Variants in FGF12 observed in about 807,000 individuals in gnomAD.
The protein encoded by FGF12 is fibroblast growth factor 12, also known as fibroblast growth factor 12B.
FGF12 carries 14 observed loss-of-function variants against 23.6 expected under a neutral mutation model. The observed-to-expected ratio is 0.59, with a 90% CI of 0.39 to 0.93. The LOEUF is 0.93. Among genes scored for constraint, FGF12 ranks in the 40% least tolerant of loss-of-function variants. FGF12 has a pLI of 0.00. For synonymous variants in FGF12, 62 were observed against 77.3 expected (o/e 0.80, Z 1.04); for missense variants, 175 against 217.8 (o/e 0.80, Z 1.24).
intron 2 of FGF12, among the ~76,000 whole-genome samples, chr3:192,532,554 G>A (rs915633532): frequency 3.3e-5 from 5 of 151,888 alleles, no homozygotes; most frequent in African/African-American, 7.3e-5. Flanking sequence ...CAACTTTGTC[G>A]TTGTTGGTGT....
chr3:192,537,314 A>G (rs979836227), intron 2 of FGF12, among the ~76,000 whole-genome samples: 1 of 152,086 alleles, frequency 6.6e-6, no homozygotes, highest in African/African-American at 2.4e-5. Flanking sequence ...TTGGGTATAT[A>G]CCTAGTAATG....
chr3:192,213,653 C>G (rs1018711740), intron 4 of FGF12, among the ~76,000 whole-genome samples: 2 of 152,172 alleles, frequency 1.3e-5, no homozygotes, highest in African/African-American at 4.8e-5. Flanking sequence ...TGCCTCATTT[C>G]AGGAAGTTAC....
chr3:192,390,369 A>G (rs1720240151), intron 2 of FGF12, among the ~76,000 whole-genome samples: 1 of 152,202 alleles, frequency 6.6e-6, no homozygotes, highest in Non-Finnish European at 1.5e-5. Flanking sequence ...TCACCAAAGT[A>G]CAGTCATTTT....
At chr3:192,222,196 T>C (rs948665326) in intron 4 of FGF12, among the ~76,000 whole-genome samples, 1 of 152,066 alleles carries the variant, frequency 6.6e-6, no homozygotes, top group Non-Finnish European at 1.5e-5. Flanking sequence ...TAGTGCTGAG[T>C]AGGTGAAAAG....
intron 4 of FGF12, among the ~76,000 whole-genome samples, chr3:192,291,259 G>A (rs564440206): frequency 1.3e-5 from 2 of 152,134 alleles, no homozygotes; most frequent in South Asian, 4.1e-4. Context: ...AACAGTTTGA[G>A]AATCTTATGG....
At chr3:192,354,504 T>G (rs989099938) in intron 3 of FGF12, among the ~76,000 whole-genome samples, 1 of 150,036 alleles carries the variant, frequency 6.7e-6, no homozygotes, top group Admixed American at 6.6e-5. Flanking sequence ...AAAAGGTAAA[T>G]CACAACAAAG....
rs547500302 is a variant in FGF12 at position 192,336,110 on chromosome 3, C to T, written c.125-646G>A. ...ATATTTTATATCCAGGTGGGAAATACACACACACACACACACACACACACA... is the reference window on the plus strand; with the variant it reads ...ATATTTTATATCCAGGTGGGAAATATACACACACACACACACACACACACA... On this transcript the variant is annotated intron_variant, in intron 3 of 5. Transcript: ENST00000445105. The surrounding 1 kb of genome is among the most constrained non-coding windows in gnomAD (Gnocchi z 4.3). 3.1e-3 allele frequency among the ~76,000 whole-genome samples: 284 copies of T among 92,858 alleles called. 1 individual carries two copies. The highest frequency in any genetic ancestry group is 5.7e-3 in the Non-Finnish European group (224 of 39,032). 60.9% of individuals were successfully genotyped at this position (92,858 alleles called of 152,430 possible).
intron 2 of FGF12, among the ~76,000 whole-genome samples, chr3:192,643,228 T>A (rs1179750169): frequency 1.3e-5 from 2 of 151,720 alleles, no homozygotes; most frequent in South Asian, 2.1e-4. Context: ...AGAATATATA[T>A]CCATTTATCT....
At position 192,447,260 on chromosome 3, in the gene FGF12, A is replaced by C. The variant is rs376248862; in HGVS notation, c.14-86722T>G. Among the ~76,000 whole-genome samples, 29 of 152,342 alleles carry C rather than the reference A, an allele frequency of 1.9e-4. No homozygotes were observed. In the South Asian group the frequency reaches 2.7e-3, roughly 14 times the overall value. On this transcript the variant is annotated intron_variant, in intron 2 of 5. Transcript: ENST00000445105. ...AGAGAAAACCCAATTTGCTCAAGGCACAGGGAATATTTGTAGAAGGAGGGA... is the reference window on the plus strand; with the variant it reads ...AGAGAAAACCCAATTTGCTCAAGGCCCAGGGAATATTTGTAGAAGGAGGGA...
At chr3:192,319,165 T>G (rs951017662) in intron 4 of FGF12, among the ~76,000 whole-genome samples, 1 of 152,000 alleles carries the variant, frequency 6.6e-6, no homozygotes, top group Non-Finnish European at 1.5e-5. Context: ...GAATGAGCAA[T>G]AAGAAACCAT....
At chr3:192,684,263 T>G (rs540198431) in intron 2 of FGF12, among the ~76,000 whole-genome samples, 1 of 152,290 alleles carries the variant, frequency 6.6e-6, no homozygotes, top group Non-Finnish European at 1.5e-5. Context: ...AAGCTGCCTG[T>G]GTTAACGGGG....
At chr3:192,235,230 G>C (rs1392257304) in intron 4 of FGF12, among the ~76,000 whole-genome samples, 2 of 152,146 alleles carry the variant, frequency 1.3e-5, no homozygotes, top group Non-Finnish European at 2.9e-5. Context: ...CTCGTTATTG[G>C]CCTGTTCAGG....
chr3:192,399,743 C>A (rs778483223), intron 2 of FGF12, among the ~76,000 whole-genome samples: 1 of 152,198 alleles, frequency 6.6e-6, no homozygotes, highest in Admixed American at 6.5e-5. Flanking sequence ...GGGCTGAGAA[C>A]CAGTGGCTTA....
intron 4 of FGF12, among the ~76,000 whole-genome samples, chr3:192,286,549 G>A (rs1459740985): frequency 1.3e-5 from 2 of 151,978 alleles, no homozygotes; most frequent in East Asian, 1.9e-4. Context: ...ACAAATGGTA[G>A]ATACAGAGGT....
chr3:192,193,382 C>T (rs1716902427), intron 4 of FGF12, among the ~76,000 whole-genome samples: 1 of 152,168 alleles, frequency 6.6e-6, no homozygotes, highest in Non-Finnish European at 1.5e-5. Context: ...TGGACTCCAA[C>T]ACTGGACTGC....
At chr3:192,666,561 A>T (rs556383268) in intron 2 of FGF12, among the ~76,000 whole-genome samples, 3 of 152,340 alleles carry the variant, frequency 2.0e-5, no homozygotes, top group African/African-American at 7.2e-5. Context: ...TAGAACAGGG[A>T]CCATAGTCTG....
intron 4 of FGF12, among the ~76,000 whole-genome samples, chr3:192,334,653 C>G (rs917412341): frequency 4.0e-5 from 6 of 151,752 alleles, no homozygotes; most frequent in African/African-American, 1.5e-4. Flanking sequence ...ATAATGTAGC[C>G]ACTGATGGCT....
At chr3:192,207,188 G>GA (rs1293857055) in intron 4 of FGF12, among the ~76,000 whole-genome samples, 5 of 152,134 alleles carry the variant, frequency 3.3e-5, no homozygotes, top group African/African-American at 1.2e-4. Context: ...TAATTGTATT[G>GA]AAAGTCCTTA....
At chr3:192,309,441 G>T (rs1715822415) in intron 4 of FGF12, among the ~76,000 whole-genome samples, 1 of 152,172 alleles carries the variant, frequency 6.6e-6, no homozygotes, top group Admixed American at 6.5e-5. Flanking sequence ...GAGAGAGTTT[G>T]CAGGAAACTG....
Sources: allele counts gnomAD v4.1 joint callset (sites outside exome capture counted in the v4.1 genomes callset), GRCh38; gene constraint gnomAD v4.1.1; non-coding constraint Gnocchi (gnomAD v3.1); transcripts MANE v1.5; gene names NCBI Gene and HGNC (gene_info 2026-07-23, HGNC 2026-07-21).